Variants in PTPRQ observed in about 807,000 individuals in gnomAD.
PTPRQ encodes the protein phosphatidylinositol phosphatase PTPRQ.
Under a neutral mutation model 246.0 loss-of-function variants are expected in PTPRQ, and 199 were observed. The ratio of observed to expected loss-of-function variants is 0.81; its 90% CI spans 0.72 to 0.91. The LOEUF (loss-of-function observed/expected upper bound fraction) is 0.91. PTPRQ is among the 40% of genes least tolerant of loss of function. The probability of loss-of-function intolerance (pLI) is 0.00; values close to 1 mark genes in which losing one functional copy is unlikely to be tolerated. For synonymous variants in PTPRQ, 869 were observed against 853.2 expected, an observed-to-expected ratio of 1.02 and a Z score of -0.32; for missense variants, 2,624 against 2,528.4, an observed-to-expected ratio of 1.04 and a Z score of -0.81.
chr12:80,588,157 T>C lies in PTPRQ; in HGVS notation c.4314T>C (p.Phe1438=), dbSNP rs771946620. The C allele has an allele frequency of 6.5e-7, 1 of 1,534,432 alleles. No individual in the cohort carries two copies. The highest frequency in any genetic ancestry group is 1.2e-5 in the South Asian group (1 of 81,070). ...CCAGTGTTCCCACAAATATTGCTTT[T>C]TCTGATGTTCAGTCAACTAGTGCAA... is the stretch of plus-strand genomic sequence containing the variant. ...TVPSVPTNIA[F]SDVQSTSATL... Residue 1438 remains phenylalanine (F), a synonymous_variant, in exon 26 of 45, where the codon TTT becomes TTC. Coordinates refer to ENST00000644991, the MANE Select transcript of PTPRQ (RefSeq NM_001145026.2).
intron 35 of PTPRQ, among the ~76,000 whole-genome samples, chr12:80,639,752 G>A (rs919289144): frequency 6.6e-6 from 1 of 152,082 alleles, no homozygotes; most frequent in African/African-American, 2.4e-5. Context: ...ATTTATATTT[G>A]TAATATTGAA....
intron 27 of PTPRQ, among the ~76,000 whole-genome samples, chr12:80,607,974 G>A (rs1210329860): frequency 6.6e-6 from 1 of 150,780 alleles, no homozygotes; most frequent in Non-Finnish European, 1.5e-5. Flanking sequence ...TAATTATAGA[G>A]TTTGAGGTAT....
intron 26 of PTPRQ, among the ~76,000 whole-genome samples, chr12:80,603,698 T>G (rs1005302710): frequency 1.3e-5 from 2 of 151,546 alleles, no homozygotes; most frequent in Non-Finnish European, 3.0e-5. Flanking sequence ...TATGTCTTTG[T>G]GGCTTTTCTA....
At chr12:80,672,490 C>T (rs1000592665) in intron 42 of PTPRQ, among the ~76,000 whole-genome samples, 4 of 151,616 alleles carry the variant, frequency 2.6e-5, no homozygotes, top group Admixed American at 6.6e-5. Context: ...AAATTTTTTT[C>T]GATTAACTTC....
chr12:80,676,496 G>A (rs1365263236), intron 43 of PTPRQ, among the ~76,000 whole-genome samples: 2 of 152,096 alleles, frequency 1.3e-5, no homozygotes, highest in African/African-American at 2.4e-5. Context: ...TACAAAATCA[G>A]CCAGGCGTGG....
At chr12:80,649,992 G>C (rs1900204839) in intron 37 of PTPRQ, among the ~76,000 whole-genome samples, 1 of 152,020 alleles carries the variant, frequency 6.6e-6, no homozygotes, top group Non-Finnish European at 1.5e-5. Flanking sequence ...AGTTTGTTTT[G>C]TATTCAAGGT....
At chr12:80,649,474 G>A (rs1900185482) in intron 36 of PTPRQ, 114 bp from the exon 37 acceptor site, 4 of 1,334,194 alleles carry the variant, frequency 3.0e-6, no homozygotes, top group Non-Finnish European at 3.9e-6. Context: ...TGTTGTTTGT[G>A]ATTTTGGGGA....
At chr12:80,557,597 G>T (rs1032038462) in intron 25 of PTPRQ, among the ~76,000 whole-genome samples, 2 of 151,996 alleles carry the variant, frequency 1.3e-5, no homozygotes, top group Admixed American at 6.6e-5. Flanking sequence ...AAACAGTTAT[G>T]TATTAAAACA....
Position 80,452,240 on chromosome 12 carries a change from T to G in PTPRQ, c.391-5335T>G, listed in dbSNP as rs537419829. Among the ~76,000 whole-genome samples, 1,050 of 149,300 alleles carry G rather than the reference T, an allele frequency of 7.0e-3. 11 individuals carry two copies. Among genetic ancestry groups the G allele is most frequent in the African/African-American group, 0.025 (1,011 of 39,972 alleles). On this transcript the variant is annotated intron_variant, in intron 3 of 44. Transcript: ENST00000644991. Reference sequence around the variant, plus strand: ...TGGTAGATCTTCCTCCATCCTTTTATTTTGAGCCTATGTGTGTCTCTGCAT... The same window carrying G: ...TGGTAGATCTTCCTCCATCCTTTTAGTTTGAGCCTATGTGTGTCTCTGCAT...
chr12:80,553,244 A>G (rs1351383949), intron 25 of PTPRQ, among the ~76,000 whole-genome samples: 1 of 152,168 alleles, frequency 6.6e-6, no homozygotes, highest in Non-Finnish European at 1.5e-5. Flanking sequence ...TCATTTATAT[A>G]AAGCATGAGT....
intron 25 of PTPRQ, among the ~76,000 whole-genome samples, chr12:80,556,795 A>G (rs1174590850): frequency 6.6e-6 from 1 of 152,178 alleles, no homozygotes; most frequent in Non-Finnish European, 1.5e-5. Flanking sequence ...AGGAATTTCA[A>G]GATACAGCAA....
At chr12:80,554,440 C>T (rs1002905993) in intron 25 of PTPRQ, among the ~76,000 whole-genome samples, 3 of 152,152 alleles carry the variant, frequency 2.0e-5, no homozygotes, top group Admixed American at 2.0e-4. Context: ...AAAACTTGGT[C>T]TTTTGTGGAA....
intron 1 of PTPRQ, 53 bp downstream of exon 1, chr12:80,444,452 T>A: frequency 9.7e-7 from 1 of 1,033,104 alleles, no homozygotes; most frequent in Non-Finnish European, 1.5e-6. Flanking sequence ...GCTGTAGATT[T>A]CTCAAGACTT....
chr12:80,455,274 T>G (rs566895097), intron 3 of PTPRQ, among the ~76,000 whole-genome samples: 76 of 152,240 alleles, frequency 5.0e-4, no homozygotes, highest in Non-Finnish European at 8.1e-4. Context: ...CTTTATGAAA[T>G]TGATAACTTT....
intron 25 of PTPRQ, among the ~76,000 whole-genome samples, chr12:80,559,340 G>A (rs745415440): frequency 6.6e-6 from 1 of 152,162 alleles, no homozygotes; most frequent in East Asian, 1.9e-4. Flanking sequence ...CATCGCGCCC[G>A]GCCTGTAGTG....
rs184292200 is a variant in PTPRQ, at chr12:80,454,949, G to T, written c.391-2626G>T. 4.5e-3 allele frequency among the ~76,000 whole-genome samples: 682 copies of T among 152,332 alleles called. 2 individuals are homozygous for T. The highest frequency in any genetic ancestry group is 0.016 in the African/African-American group (655 of 41,568). On this transcript the variant is annotated intron_variant, in intron 3 of 44. Transcript: ENST00000644991. ...CCCAGCACTTTGGGAGGCCGAGGCGGGCGGATCACCTGAGGAGTTCAAGAC... is the reference window on the plus strand; with the variant it reads ...CCCAGCACTTTGGGAGGCCGAGGCGTGCGGATCACCTGAGGAGTTCAAGAC...
chr12:80,668,068 C>T (rs1592777668), intron 39 of PTPRQ, among the ~76,000 whole-genome samples: 1 of 151,934 alleles, frequency 6.6e-6, no homozygotes, highest in Non-Finnish European at 1.5e-5. Flanking sequence ...TATTACTATT[C>T]TCTGACTACT....
intron 39 of PTPRQ, among the ~76,000 whole-genome samples, chr12:80,660,051 C>T (rs534607634): frequency 6.6e-6 from 1 of 152,082 alleles, no homozygotes; most frequent in South Asian, 2.1e-4. Flanking sequence ...TCAATTTCCC[C>T]CTACCCCCAA....
intron 43 of PTPRQ, among the ~76,000 whole-genome samples, chr12:80,676,531 A>T (rs1281885221): frequency 1.3e-5 from 2 of 152,168 alleles, no homozygotes; most frequent in Non-Finnish European, 2.9e-5. Flanking sequence ...AATCCCAGCT[A>T]CACTGGAGGC....
Sources: allele counts gnomAD v4.1 joint callset (sites outside exome capture counted in the v4.1 genomes callset), GRCh38; gene constraint gnomAD v4.1.1; transcripts MANE v1.5; gene names NCBI Gene and HGNC (gene_info 2026-07-23, HGNC 2026-07-21).